The following RAP1GAP2 variants were observed in gnomAD, a reference collection of about 807,000 sequenced individuals.
The protein encoded by RAP1GAP2 is rap1 GTPase-activating protein 2.
RAP1GAP2 carries 27 observed loss-of-function variants against 95.0 expected under a neutral mutation model. The ratio of observed to expected loss-of-function variants is 0.28; its 90% CI spans 0.21 to 0.39. The LOEUF (loss-of-function observed/expected upper bound fraction) is 0.39. Ranked by LOEUF, RAP1GAP2 falls within the 10% of genes least tolerant of loss-of-function variation. RAP1GAP2 has a pLI of 1.00. For missense variants in RAP1GAP2, 771 were observed against 970.0 expected (o/e 0.79, Z 2.72); for synonymous variants, 373 against 380.9 (o/e 0.98, Z 0.24).
chr17:2,840,703 A>G (rs1202398459), intron 2 of RAP1GAP2, among the ~76,000 whole-genome samples: 2 of 152,100 alleles, frequency 1.3e-5, no homozygotes, highest in Admixed American at 6.5e-5. Context: ...TTATGATGTG[A>G]ACATAAAGTC....
chr17:2,895,863 C>T (rs2041804969), intron 2 of RAP1GAP2, among the ~76,000 whole-genome samples: 1 of 152,158 alleles, frequency 6.6e-6, no homozygotes, highest in Admixed American at 6.6e-5. Flanking sequence ...CATCTGTGAG[C>T]CACCGCGCCC....
intron 2 of RAP1GAP2, among the ~76,000 whole-genome samples, chr17:2,850,040 G>A (rs991048421): frequency 4.3e-5 from 5 of 116,574 alleles, no homozygotes; most frequent in Non-Finnish European, 8.2e-5. Context: ...TCGCTCTGTT[G>A]CCCAGGCTGG....
At position 2,866,781 on chromosome 17, in the gene RAP1GAP2, G is replaced by C. The variant is rs1453772711; in HGVS notation, c.81-38503G>C. On this transcript the variant is annotated intron_variant, in intron 2 of 24. Coordinates refer to ENST00000254695, the MANE Select transcript of RAP1GAP2 (RefSeq NM_015085.5). This position sits in a 1 kb window ranked among gnomAD's most constrained non-coding sequence, Gnocchi z 4.0. Reference sequence around the variant, plus strand: ...GGTCCGGCTAATTTTTATGTTTTTAGTAGAGATGGGGTTTCACCACGTTGG... The same window carrying C: ...GGTCCGGCTAATTTTTATGTTTTTACTAGAGATGGGGTTTCACCACGTTGG... Among the ~76,000 whole-genome samples, 1 of 151,940 alleles carries C rather than the reference G, an allele frequency of 6.6e-6. No homozygotes were observed. Among genetic ancestry groups the C allele is most frequent in the East Asian group, 1.9e-4 (1 of 5,168 alleles).
At chr17:2,835,361 AG>A in intron 2 of RAP1GAP2, among the ~76,000 whole-genome samples, 1 of 152,144 alleles carries the variant, frequency 6.6e-6, no homozygotes, top group Non-Finnish European at 1.5e-5. Context: ...CTGGGATTAC[AG>A]GTGTGCGCCA....
chr17:2,892,943 G>T (rs1360272561), intron 2 of RAP1GAP2, among the ~76,000 whole-genome samples: 1 of 151,812 alleles, frequency 6.6e-6, no homozygotes, highest in African/African-American at 2.4e-5. Flanking sequence ...TCCCTCTTTT[G>T]TTTTCTGTAT....
At chr17:2,862,483 G>C (rs1018293907) in intron 2 of RAP1GAP2, among the ~76,000 whole-genome samples, 9 of 152,088 alleles carry the variant, frequency 5.9e-5, no homozygotes, top group Non-Finnish European at 1.3e-4. Context: ...GGCCCAGGAA[G>C]TCTCTCAGTC....
chr17:2,852,000 T>C (rs1026797246), intron 2 of RAP1GAP2, among the ~76,000 whole-genome samples: 3 of 152,164 alleles, frequency 2.0e-5, no homozygotes, highest in South Asian at 4.1e-4. Flanking sequence ...AGGATAGACC[T>C]AAGCCAGCGC....
intron 2 of RAP1GAP2, among the ~76,000 whole-genome samples, chr17:2,771,556 C>A (rs1027139578): frequency 1.4e-5 from 2 of 146,198 alleles, no homozygotes; most frequent in Non-Finnish European, 3.0e-5. Context: ...TGTAATGGCA[C>A]GATCTTGGCT....
chr17:2,758,236 T>C (rs992279224), intron 1 of RAP1GAP2, among the ~76,000 whole-genome samples: 1 of 133,714 alleles, frequency 7.5e-6, no homozygotes, highest in Non-Finnish European at 1.6e-5. Context: ...AGTGCAGTGG[T>C]GTGATCTTGG....
intron 3 of RAP1GAP2, among the ~76,000 whole-genome samples, chr17:2,935,893 C>T (rs898866132): frequency 2.0e-5 from 3 of 152,116 alleles, no homozygotes; most frequent in Admixed American, 6.5e-5. Context: ...AGGAAGGAAA[C>T]GCGGCCGATC....
chr17:2,972,579 CAA>C (rs1170750857), intron 8 of RAP1GAP2, among the ~76,000 whole-genome samples: 1 of 80,258 alleles, frequency 1.2e-5, no homozygotes, highest in East Asian at 4.4e-4. Flanking sequence ...GCCTGGGTGA[CAA>C]GAGTGAAAGT....
Position 2,866,882 on chromosome 17 carries a change from G to C in RAP1GAP2, c.81-38402G>C, listed in dbSNP as rs2072635369. Among the ~76,000 whole-genome samples the C allele has an allele frequency of 6.6e-6, 1 of 150,458 alleles. No individual in the cohort carries two copies. The highest frequency in any genetic ancestry group is 1.5e-5 in the Non-Finnish European group (1 of 67,830). On this transcript the variant is annotated intron_variant, in intron 2 of 24. Transcript: ENST00000254695. The surrounding 1 kb of genome is among the most constrained non-coding windows in gnomAD (Gnocchi z 4.0). Reference sequence around the variant, plus strand: ...CCCAAAGTGCTGGGATTACAGGTGTGAGCCACTGCACTCGGCCTATTTTAT... The same window carrying C: ...CCCAAAGTGCTGGGATTACAGGTGTCAGCCACTGCACTCGGCCTATTTTAT...
At chr17:2,856,396 T>C (rs1357528596) in intron 2 of RAP1GAP2, among the ~76,000 whole-genome samples, 1 of 152,182 alleles carries the variant, frequency 6.6e-6, no homozygotes, top group Non-Finnish European at 1.5e-5. Flanking sequence ...CACAAAGGGC[T>C]GTGAGGCTCA....
At chr17:2,889,156 G>A (rs1048258086) in intron 2 of RAP1GAP2, among the ~76,000 whole-genome samples, 3 of 152,068 alleles carry the variant, frequency 2.0e-5, no homozygotes, top group Non-Finnish European at 4.4e-5. Context: ...AGGACCCTCC[G>A]TGCTGTGTTC....
Position 2,870,606 on chromosome 17 carries a change from C to T in RAP1GAP2, c.81-34678C>T, listed in dbSNP as rs1287886960. 6.6e-6 allele frequency among the ~76,000 whole-genome samples: 1 copy of T among 151,970 alleles called. No homozygotes were observed. The highest frequency in any genetic ancestry group is 1.5e-5 in the Non-Finnish European group (1 of 67,986). Reference sequence around the variant, plus strand: ...CTTTTTTTTCTATGCAAAAGCACACCCTTTCACGTAATATACTTACATCTG... The same window carrying T: ...CTTTTTTTTCTATGCAAAAGCACACTCTTTCACGTAATATACTTACATCTG... On this transcript the variant is annotated intron_variant, in intron 2 of 24. Coordinates refer to ENST00000254695, the MANE Select transcript of RAP1GAP2 (RefSeq NM_015085.5). The surrounding 1 kb of genome is among the most constrained non-coding windows in gnomAD (Gnocchi z 4.4).
intron 3 of RAP1GAP2, among the ~76,000 whole-genome samples, chr17:2,931,663 C>G (rs974910885): frequency 1.3e-5 from 2 of 152,226 alleles, no homozygotes; most frequent in Non-Finnish European, 2.9e-5. Context: ...TGGGGACTGA[C>G]TGACTGTTAG....
chr17:3,015,911 G>A (rs1210031977), intron 17 of RAP1GAP2, among the ~76,000 whole-genome samples: 3 of 152,200 alleles, frequency 2.0e-5, no homozygotes, highest in Non-Finnish European at 2.9e-5. Flanking sequence ...AGCCAACACA[G>A]TTGTACAGGT....
intron 2 of RAP1GAP2, among the ~76,000 whole-genome samples, chr17:2,895,026 C>T (rs903162555): frequency 2.6e-5 from 4 of 152,182 alleles, no homozygotes; most frequent in East Asian, 1.9e-4. Context: ...TCCCAGCGTC[C>T]GCACAGCGCC....
chr17:2,763,075 C>G (rs137886083), intron 1 of RAP1GAP2, among the ~76,000 whole-genome samples: 1 of 152,112 alleles, frequency 6.6e-6, no homozygotes, highest in African/African-American at 2.4e-5. Context: ...TTCAGATACA[C>G]GGCAAGGTGA....
Sources: gnomAD v4.1 joint callset for allele counts (sites outside exome capture counted in the v4.1 genomes callset) on GRCh38, gnomAD v4.1.1 for gene constraint, Gnocchi (gnomAD v3.1) non-coding constraint, MANE v1.5 for transcripts, NCBI Gene and HGNC (gene_info 2026-07-23, HGNC 2026-07-21) for gene names.